The following TMPRSS11B variants were observed in gnomAD, a reference collection of about 807,000 sequenced individuals.
TMPRSS11B encodes the protein transmembrane protease serine 11B.
A neutral mutation model predicts 44.7 loss-of-function variants in TMPRSS11B; 53 were observed. The observed-to-expected ratio is 1.19, with a 90% CI of 0.95 to 1.49. The LOEUF (loss-of-function observed/expected upper bound fraction) is 1.49, where lower values mean the gene tolerates loss of function less well. Ranked by LOEUF, TMPRSS11B falls within the 40% of genes most tolerant of loss-of-function variation. TMPRSS11B has a pLI of 0.00. For missense variants in TMPRSS11B, 526 were observed against 494.8 expected, an observed-to-expected ratio of 1.06 and a Z score of -0.60; for synonymous variants, 140 against 159.2, an observed-to-expected ratio of 0.88 and a Z score of 0.91.
intron 6 of TMPRSS11B, 31 bp from the exon 7 acceptor site, chr4:68,231,411 G>C: frequency 6.5e-7 from 1 of 1,542,374 alleles, no homozygotes; most frequent in Non-Finnish European, 8.7e-7. Context: ...CACGAGAGCA[G>C]GTATCTTTGA....
At chr4:68,229,162 G>T in intron 8 of TMPRSS11B, 95 bp downstream of exon 8, 1 of 1,279,880 alleles carries the variant, frequency 7.8e-7, no homozygotes. Context: ...TTTACTGATT[G>T]ATTAATTGCA....
chr4:68,245,414 C>A, intron 1 of TMPRSS11B, 137 bp downstream of exon 1: 1 of 951,648 alleles, frequency 1.1e-6, no homozygotes, highest in South Asian at 1.4e-5. Context: ...AGACCTCAGA[C>A]AATAGAGTGT....
chr4:68,228,932 G>A (rs1719430860), intron 8 of TMPRSS11B, 48 bp from the exon 9 acceptor site: 1 of 1,578,928 alleles, frequency 6.3e-7, no homozygotes, highest in Non-Finnish European at 8.6e-7. Flanking sequence ...GACTTTGCTG[G>A]GACAAAGAAT....
chr4:68,230,166 T>C (rs1719469816), intron 7 of TMPRSS11B, among the ~76,000 whole-genome samples: 1 of 152,196 alleles, frequency 6.6e-6, no homozygotes. Flanking sequence ...CAGTTCACCG[T>C]TGCTGGGCAT....
chr4:68,239,309 C>G (rs1191203600), intron 2 of TMPRSS11B, among the ~76,000 whole-genome samples: 1 of 152,166 alleles, frequency 6.6e-6, no homozygotes, highest in Non-Finnish European at 1.5e-5. Flanking sequence ...CGCTCTCTCT[C>G]TCTTTCTCAC....
chr4:68,243,580 T>C (rs533031965), intron 1 of TMPRSS11B, among the ~76,000 whole-genome samples: 1 of 152,252 alleles, frequency 6.6e-6, no homozygotes, highest in East Asian at 1.9e-4. Context: ...TTGTTTAATA[T>C]CAGCCTCACA....
chr4:68,236,208 A>G lies in TMPRSS11B; in HGVS notation c.183T>C (p.Asn61=). 4 of 1,612,930 alleles carry G rather than the reference A, an allele frequency of 2.5e-6. No homozygotes were observed. Among genetic ancestry groups the G allele is most frequent in the East Asian group, 2.2e-5 (1 of 44,802 alleles). ...FHISGVTYND[N]CENAASQAST... is the part of the protein sequence containing the mutation. ...TGGCTTGTGAAGCTGCGTTTTCACA[A>G]TTATCATTGTATGTGACTCCAGAAA... Residue 61 remains asparagine, a synonymous_variant, in exon 3 of 10, where the codon AAT becomes AAC. Transcript: ENST00000332644.
chr4:68,242,890 C>A (rs555308605), intron 1 of TMPRSS11B, among the ~76,000 whole-genome samples: 1 of 152,182 alleles, frequency 6.6e-6, no homozygotes, highest in South Asian at 2.1e-4. Context: ...GTTTCTACAA[C>A]AAATGTAAAT....
rs1719515375 is a variant in TMPRSS11B at position 68,231,493 on chromosome 4, T to C, written c.509-113A>G. 6 of 989,448 alleles carry C rather than the reference T, an allele frequency of 6.1e-6. No individual in the cohort carries two copies. The South Asian group carries it at 7.1e-5, about 12-fold the overall frequency. 61.3% of individuals were successfully genotyped at this position (989,448 alleles called of 1,614,324 possible). On this transcript the variant is annotated intron_variant, in intron 6 of 9. Coordinates refer to ENST00000332644, the MANE Select transcript of TMPRSS11B (RefSeq NM_182502.3). ...TCAGTGATTATTCAACTTCTCCTAA[T>C]TGATGACGTTTCTTTCCTACAAGAT...
At chr4:68,245,332 GC>G (rs1719970042) in intron 1 of TMPRSS11B, among the ~76,000 whole-genome samples, 1 of 152,028 alleles carries the variant, frequency 6.6e-6, no homozygotes, top group African/African-American at 2.4e-5. Flanking sequence ...TTCCCAGTAA[GC>G]AAAATTTTGC....
chr4:68,235,299 C>A (rs1431658829), intron 4 of TMPRSS11B, among the ~76,000 whole-genome samples: 1 of 152,154 alleles, frequency 6.6e-6, no homozygotes, highest in Non-Finnish European at 1.5e-5. Flanking sequence ...ATGATCAATT[C>A]TAGGGTCTTT....
intron 2 of TMPRSS11B, among the ~76,000 whole-genome samples, chr4:68,241,144 A>C (rs923504402): frequency 6.6e-6 from 1 of 152,136 alleles, no homozygotes. Context: ...AGGTTTAAGG[A>C]CTTATTTTTC....
At chr4:68,228,402 C>G (rs970857847) in intron 9 of TMPRSS11B, among the ~76,000 whole-genome samples, 1 of 152,154 alleles carries the variant, frequency 6.6e-6, no homozygotes, top group Non-Finnish European at 1.5e-5. Context: ...TAGGCATGTG[C>G]CCAGACTCCT....
chr4:68,242,422 A>C (rs1719886996), intron 1 of TMPRSS11B, among the ~76,000 whole-genome samples: 1 of 116,296 alleles, frequency 8.6e-6, no homozygotes, highest in South Asian at 2.3e-4. Flanking sequence ...TAAATACATA[A>C]TATAACAAGT....
intron 2 of TMPRSS11B, among the ~76,000 whole-genome samples, chr4:68,237,372 T>C (rs544906988): frequency 6.6e-6 from 1 of 152,338 alleles, no homozygotes; most frequent in East Asian, 1.9e-4. Flanking sequence ...AAGTCTTTGC[T>C]ATTGTGAACA....
chr4:68,236,300 T>G, intron 2 of TMPRSS11B, 34 bp from the exon 3 acceptor site: 1 of 1,394,266 alleles, frequency 7.2e-7, no homozygotes, highest in East Asian at 2.3e-5. Context: ...CTCAAAGAAT[T>G]TTAAAGTGGA....
chr4:68,242,276 T>TTATAATATA (rs1719862068), intron 1 of TMPRSS11B, among the ~76,000 whole-genome samples: 1 of 73,146 alleles, frequency 1.4e-5, no homozygotes, highest in African/African-American at 6.8e-5. Flanking sequence ...AATATAATAT[T>TTATAATATA]ATATATATTA....
chr4:68,232,335 CT>C (rs1294892525), intron 6 of TMPRSS11B, 42 bp downstream of exon 6: 5 of 1,568,162 alleles, frequency 3.2e-6, no homozygotes, highest in African/African-American at 1.4e-5. Flanking sequence ...GAGAAAATAC[CT>C]GTGAGTCCAT....
In TMPRSS11B at chr4:68,245,654, A is replaced by G. The variant is rs1719981605; in HGVS notation, c.-96T>C. On this transcript the variant is annotated 5_prime_UTR_variant, in exon 1 of 10. Transcript: ENST00000332644. ...TGACAATGCTGGTAATAGTGATGAC[A>G]AAAGTTAGAACCTTCTGACGCAGCT... The G allele has an allele frequency of 1.4e-6, 2 of 1,466,316 alleles. No individual in the cohort carries two copies. Among genetic ancestry groups the G allele is most frequent in the Admixed American group, 3.4e-5 (2 of 59,100 alleles). The allele number at this position is 1,466,316 out of a possible 1,614,324, so 90.8% of individuals were successfully genotyped here.
Sources: allele counts gnomAD v4.1 joint callset (sites outside exome capture counted in the v4.1 genomes callset), GRCh38; gene constraint gnomAD v4.1.1; transcripts MANE v1.5; gene names NCBI Gene and HGNC (gene_info 2026-07-23, HGNC 2026-07-21).